Variants in NR3C2 observed in about 807,000 individuals in gnomAD.
NR3C2 encodes nuclear receptor subfamily 3 group C member 2, also known as mineralocorticoid receptor.
NR3C2 carries 15 observed loss-of-function variants against 86.4 expected under a neutral mutation model. The observed-to-expected ratio is 0.17, with a 90% confidence interval of 0.12 to 0.27. The LOEUF is 0.27. Among genes scored for constraint, NR3C2 ranks in the 10% least tolerant of loss-of-function variants. NR3C2 has a pLI of 1.00. For missense variants in NR3C2, 960 were observed against 1,195.6 expected (o/e 0.80, Z 2.91); for synonymous variants, 458 against 450.5 (o/e 1.02, Z -0.21).
At chr4:148,262,313 T>C (rs1018487107) in intron 2 of NR3C2, among the ~76,000 whole-genome samples, 2 of 152,124 alleles carry the variant, frequency 1.3e-5, no homozygotes, top group East Asian at 1.9e-4. Flanking sequence ...CCCAACTTAC[T>C]TTCTCGGTGA....
At chr4:148,409,662 T>C (rs866046089) in intron 2 of NR3C2, among the ~76,000 whole-genome samples, 30 of 152,240 alleles carry the variant, frequency 2.0e-4, no homozygotes, top group African/African-American at 7.2e-4. Context: ...AAATTGAGCA[T>C]ATAATAAAAT....
intron 2 of NR3C2, among the ~76,000 whole-genome samples, chr4:148,351,250 A>T (rs1321115693): frequency 3.3e-5 from 5 of 152,120 alleles, no homozygotes; most frequent in Non-Finnish European, 5.9e-5. Flanking sequence ...GGTTCAAGCA[A>T]TTCTCCTGCC....
chr4:148,377,211 T>C (rs1746723186), intron 2 of NR3C2, among the ~76,000 whole-genome samples: 1 of 152,122 alleles, frequency 6.6e-6, no homozygotes, highest in Non-Finnish European at 1.5e-5. Context: ...TGAGGGGATG[T>C]GATTTGGGGC....
chr4:148,292,382 T>C (rs1396333350), intron 2 of NR3C2, among the ~76,000 whole-genome samples: 7 of 152,072 alleles, frequency 4.6e-5, no homozygotes, highest in Non-Finnish European at 2.9e-5. Flanking sequence ...CACTAAATAT[T>C]TGTTGCTTTA....
intron 6 of NR3C2, among the ~76,000 whole-genome samples, chr4:148,145,941 G>A (rs1482228950): frequency 1.3e-5 from 2 of 152,070 alleles, no homozygotes; most frequent in African/African-American, 2.4e-5. Context: ...GAAGGAAGGA[G>A]TAACAGAGAA....
At chr4:148,393,418 G>A (rs763084557) in intron 2 of NR3C2, among the ~76,000 whole-genome samples, 1 of 152,122 alleles carries the variant, frequency 6.6e-6, no homozygotes, top group Non-Finnish European at 1.5e-5. Flanking sequence ...CCTGAAATGT[G>A]CCATTTTAAA....
chr4:148,213,309 A>G (rs542158610), intron 3 of NR3C2, among the ~76,000 whole-genome samples: 8 of 152,314 alleles, frequency 5.3e-5, no homozygotes, highest in Non-Finnish European at 1.2e-4. Flanking sequence ...TCAGTATAAT[A>G]AAAATCTTAG....
chr4:148,271,807 T>C (rs1740699666), intron 2 of NR3C2, among the ~76,000 whole-genome samples: 1 of 152,142 alleles, frequency 6.6e-6, no homozygotes, highest in African/African-American at 2.4e-5. Context: ...AAAGGACTAT[T>C]TAGATATTTG....
intron 2 of NR3C2, among the ~76,000 whole-genome samples, chr4:148,318,797 T>C (rs930439906): frequency 2.0e-5 from 3 of 152,176 alleles, no homozygotes; most frequent in Non-Finnish European, 2.9e-5. Context: ...GATGAGTAGG[T>C]TGTGAAAATT....
At chr4:148,419,622 G>A (rs1040914556) in intron 2 of NR3C2, among the ~76,000 whole-genome samples, 1 of 152,050 alleles carries the variant, frequency 6.6e-6, no homozygotes, top group African/African-American at 2.4e-5. Context: ...TAATATTAAT[G>A]GCAACATTCT....
At chr4:148,223,168 A>T (rs972531231) in intron 3 of NR3C2, among the ~76,000 whole-genome samples, 1 of 151,954 alleles carries the variant, frequency 6.6e-6, no homozygotes, top group African/African-American at 2.4e-5. Flanking sequence ...CTACACTGAC[A>T]CTCCCCTTCA....
intron 2 of NR3C2, among the ~76,000 whole-genome samples, chr4:148,340,376 A>G (rs962507074): frequency 1.3e-5 from 2 of 152,188 alleles, no homozygotes; most frequent in Admixed American, 6.5e-5. Flanking sequence ...TGGAACATAC[A>G]TCGGAAAAAA....
chr4:148,256,837 T>C (rs1401838508), intron 3 of NR3C2, among the ~76,000 whole-genome samples: 1 of 149,616 alleles, frequency 6.7e-6, no homozygotes, highest in Non-Finnish European at 1.5e-5. Context: ...TTCTAAGTGT[T>C]TTTATATTAA....
At chr4:148,288,254 G>A (rs1005139607) in intron 2 of NR3C2, among the ~76,000 whole-genome samples, 1 of 152,158 alleles carries the variant, frequency 6.6e-6, no homozygotes, top group East Asian at 1.9e-4. Context: ...ACCTCATAAG[G>A]ATCTAATACA....
chr4:148,130,809 GTTTTGTTTTGTTTTTT>G (rs1732994943), intron 6 of NR3C2, among the ~76,000 whole-genome samples: 1 of 52,188 alleles, frequency 1.9e-5, no homozygotes, highest in African/African-American at 4.9e-5. Context: ...GTTTTGTTTT[GTTTTGTTTTGTTTTTT>G]TTTTTTTTTT....
At chr4:148,393,358 C>A (rs1158501910) in intron 2 of NR3C2, among the ~76,000 whole-genome samples, 1 of 152,190 alleles carries the variant, frequency 6.6e-6, no homozygotes, top group Non-Finnish European at 1.5e-5. Flanking sequence ...AATGCTTACA[C>A]CCAAACTGCG....
At chr4:148,278,423 C>T (rs145824129) in intron 2 of NR3C2, among the ~76,000 whole-genome samples, 12 of 152,218 alleles carry the variant, frequency 7.9e-5, no homozygotes, top group Non-Finnish European at 1.3e-4. Context: ...TGAAATATAA[C>T]CTATTTGTAA....
chr4:148,182,582 G>A (rs1399309023), intron 4 of NR3C2, among the ~76,000 whole-genome samples: 2 of 152,138 alleles, frequency 1.3e-5, no homozygotes, highest in Non-Finnish European at 2.9e-5. Context: ...ATCCTGTATA[G>A]GCAGAAAACA....
intron 2 of NR3C2, among the ~76,000 whole-genome samples, chr4:148,366,995 T>C (rs1746180054): frequency 6.6e-6 from 1 of 152,210 alleles, no homozygotes; most frequent in Admixed American, 6.5e-5. Flanking sequence ...GCTAAGCCTG[T>C]ATACTATTTT....
Sources: allele counts gnomAD v4.1 joint callset (sites outside exome capture counted in the v4.1 genomes callset), GRCh38; gene constraint gnomAD v4.1.1; transcripts MANE v1.5; gene names NCBI Gene and HGNC (gene_info 2026-07-23, HGNC 2026-07-21).